Variants in RFX7 observed in about 807,000 individuals in gnomAD.
RFX7 encodes regulatory factor X7.
Under a neutral mutation model 111.8 loss-of-function variants are expected in RFX7, and 26 were observed. That is an observed-to-expected ratio of 0.23 (90% CI 0.17 to 0.32). RFX7 has a LOEUF of 0.32. Ranked by LOEUF, RFX7 falls within the 10% of genes least tolerant of loss-of-function variation. The pLI, the probability that RFX7 is intolerant of heterozygous loss-of-function variation, is 1.00. For synonymous variants in RFX7, 624 were observed against 624.4 expected (o/e 1.00, Z 0.01); for missense variants, 1,573 against 1,772.9 (o/e 0.89, Z 2.02).
Position 56,093,977 on chromosome 15 carries a change from T to G in RFX7, c.3751A>C (p.Asn1251His), listed in dbSNP as rs770181338. The G allele has an allele frequency of 6.2e-7, 1 of 1,613,932 alleles. No individual in the cohort carries two copies. The highest frequency in any genetic ancestry group is 8.5e-7 in the Non-Finnish European group (1 of 1,179,860). The change falls in exon 10 of 10, where the codon AAT becomes CAT. Residue 1251 changes from asparagine (N) to histidine (H), a missense_variant. Asn to His is a moderately conservative substitution (Grantham distance 68, BLOSUM62 1). This residue lies in a region of RFX7 where 411 missense variants were observed against 478.1 expected (regional missense o/e 0.86). Transcript: ENST00000559447. ...GAATCAAGTTTACTCAACAAAACAT[T>G]GGTTATTTTTTTACTGTTTGCTTGC... ...QKQANSKKITNVLLSKLDSDN... is the reference protein window; with the variant it reads ...QKQANSKKITHVLLSKLDSDN...
At chr15:56,237,805 A>G (rs770807053) in intron 2 of RFX7, among the ~76,000 whole-genome samples, 3 of 152,196 alleles carry the variant, frequency 2.0e-5, no homozygotes, top group African/African-American at 4.8e-5. Context: ...CAATTTTATC[A>G]GTTTAAAATC....
chr15:56,244,195 A>T (rs1343247719), upstream of RFX7: 1 of 152,270 alleles, frequency 6.6e-6, no homozygotes, highest in Non-Finnish European at 1.5e-5. Flanking sequence ...AAGCAAGTAA[A>T]GAGAAATCAA....
At chr15:56,244,749 G>A (rs2043802807), upstream of RFX7, among the ~76,000 whole-genome samples, 1 of 152,042 alleles carries the variant, frequency 6.6e-6, no homozygotes, top group Non-Finnish European at 1.5e-5. Flanking sequence ...GGAGGCTCAG[G>A]CGTCAGCCAC....
chr15:56,158,951 C>A (rs185208989), intron 3 of RFX7, among the ~76,000 whole-genome samples: 1 of 152,186 alleles, frequency 6.6e-6, no homozygotes, highest in Non-Finnish European at 1.5e-5. Flanking sequence ...TCCTATCTAA[C>A]GAAAACTGTG....
At chr15:56,141,676 TGCA>T (rs2042400218) in intron 5 of RFX7, among the ~76,000 whole-genome samples, 1 of 126,300 alleles carries the variant, frequency 7.9e-6, no homozygotes, top group African/African-American at 3.3e-5. Context: ...TATATATATA[TGCA>T]TATATGCTGA....
intron 2 of RFX7, among the ~76,000 whole-genome samples, chr15:56,191,402 A>G (rs1448537059): frequency 6.6e-6 from 1 of 152,196 alleles, no homozygotes; most frequent in Non-Finnish European, 1.5e-5. Flanking sequence ...TCTTTTTACC[A>G]TTACTCCAAC....
At chr15:56,238,100 C>T (rs1368248995) in intron 2 of RFX7, among the ~76,000 whole-genome samples, 3 of 152,146 alleles carry the variant, frequency 2.0e-5, no homozygotes, top group African/African-American at 7.2e-5. Flanking sequence ...TCCACTGTAG[C>T]TGAAGGAACA....
intron 5 of RFX7, among the ~76,000 whole-genome samples, chr15:56,118,601 G>A (rs2042037873): frequency 6.6e-6 from 1 of 152,262 alleles, no homozygotes; most frequent in East Asian, 1.9e-4. Context: ...TCTGCTGATA[G>A]ACACTTAGGT....
intron 5 of RFX7, among the ~76,000 whole-genome samples, chr15:56,123,050 C>A (rs1299646846): frequency 6.6e-6 from 1 of 152,102 alleles, no homozygotes; most frequent in Non-Finnish European, 1.5e-5. Context: ...GGTGGTCTTC[C>A]CCACTGTGGC....
At chr15:56,234,007 C>T (rs189932924) in intron 2 of RFX7, among the ~76,000 whole-genome samples, 229 of 152,252 alleles carry the variant, frequency 1.5e-3, no homozygotes, top group Non-Finnish European at 2.4e-3. Flanking sequence ...AATCTAATTT[C>T]TGCTAGTGAG....
At chr15:56,202,162 A>G (rs2043199097) in intron 2 of RFX7, among the ~76,000 whole-genome samples, 1 of 152,232 alleles carries the variant, frequency 6.6e-6, no homozygotes, top group Non-Finnish European at 1.5e-5. Flanking sequence ...TCTGAAACCT[A>G]TCACTTCGCG....
chr15:56,156,894 T>C (rs931493621), intron 3 of RFX7, among the ~76,000 whole-genome samples: 7 of 152,232 alleles, frequency 4.6e-5, no homozygotes, highest in Admixed American at 4.6e-4. Flanking sequence ...TTAGTGAGCT[T>C]GTTAAAACAA....
At chr15:56,235,282 T>G (rs1358894841) in intron 2 of RFX7, among the ~76,000 whole-genome samples, 2 of 151,846 alleles carry the variant, frequency 1.3e-5, no homozygotes, top group African/African-American at 2.4e-5. Flanking sequence ...TTCAAGCGAT[T>G]CTCCTGCCTC....
chr15:56,224,770 A>C (rs1168967889), intron 2 of RFX7, among the ~76,000 whole-genome samples: 1 of 151,852 alleles, frequency 6.6e-6, no homozygotes, highest in Admixed American at 6.6e-5. Flanking sequence ...AATAGAGAAA[A>C]CTTTTCATTC....
At chr15:56,148,995 A>G (rs1336276880) in intron 3 of RFX7, among the ~76,000 whole-genome samples, 1 of 151,218 alleles carries the variant, frequency 6.6e-6, no homozygotes, top group Non-Finnish European at 1.5e-5. Context: ...AGGCAGGAGA[A>G]TGGTGTGAAC....
intron 5 of RFX7, among the ~76,000 whole-genome samples, chr15:56,104,753 CTT>C (rs2041806234): frequency 6.6e-6 from 1 of 152,026 alleles, no homozygotes; most frequent in Non-Finnish European, 1.5e-5. Context: ...TGCTATTTCT[CTT>C]GTTTGTGGCT....
intron 5 of RFX7, among the ~76,000 whole-genome samples, chr15:56,129,595 A>G (rs574131862): frequency 4.6e-5 from 7 of 152,328 alleles, no homozygotes; most frequent in South Asian, 2.1e-4. Flanking sequence ...CAACATTTCT[A>G]TTATCTCTGA....
chr15:56,102,079 G>T, intron 7 of RFX7, 90 bp downstream of exon 7: 2 of 951,546 alleles, frequency 2.1e-6, no homozygotes, highest in South Asian at 1.7e-5. Context: ...CAGTCGCTAG[G>T]CTTAACCAAA....
intron 2 of RFX7, among the ~76,000 whole-genome samples, chr15:56,188,211 A>G (rs1426570678): frequency 3.3e-5 from 5 of 152,208 alleles, no homozygotes; most frequent in Admixed American, 6.5e-5. Flanking sequence ...TTGAGATCAG[A>G]TGGCAGAAAA....
Sources: gnomAD v4.1 joint callset for allele counts (sites outside exome capture counted in the v4.1 genomes callset) on GRCh38, gnomAD v4.1.1 for gene constraint, gnomAD v4.1.1 regional missense constraint, MANE v1.5 for transcripts, NCBI Gene and HGNC (gene_info 2026-07-23, HGNC 2026-07-21) for gene names.